Variants in GALNT13 observed in about 807,000 individuals in gnomAD.
GALNT13 encodes the protein UDP-GalNAc:polypeptide N-acetylgalactosaminyltransferase 13.
In GALNT13, 28 loss-of-function variants were observed where a neutral mutation model predicts 64.2. The observed-to-expected ratio is 0.44, with a 90% CI of 0.32 to 0.60. GALNT13 has a LOEUF of 0.60. Ranked by LOEUF, GALNT13 falls within the 20% of genes least tolerant of loss-of-function variation. GALNT13 has a pLI of 0.05. For missense variants in GALNT13, 577 were observed against 669.8 expected (o/e 0.86, Z 1.53); for synonymous variants, 214 against 224.6 (o/e 0.95, Z 0.42).
the GALNT13 span, among the ~76,000 whole-genome samples, chr2:153,410,878 G>T: frequency 0.029 from 4,368 of 151,282 alleles, 100 homozygotes; most frequent in African/African-American, 0.06. Context: ...TATATTTAGA[G>T]AGAGAGAGAG....
intron 2 of GALNT13, among the ~76,000 whole-genome samples, chr2:153,908,739 C>G (rs1688744614): frequency 6.6e-6 from 1 of 151,822 alleles, no homozygotes; most frequent in Non-Finnish European, 1.5e-5. Flanking sequence ...CTATTCTATT[C>G]CATTGGCCTA....
chr2:153,258,138 G>A, the GALNT13 span, among the ~76,000 whole-genome samples: 1 of 152,178 alleles, frequency 6.6e-6, no homozygotes, highest in Non-Finnish European at 1.5e-5. Flanking sequence ...TTTCATCAAA[G>A]CCAATTTGGA....
the GALNT13 span, among the ~76,000 whole-genome samples, chr2:153,788,289 C>T: frequency 2.4e-4 from 36 of 152,130 alleles, no homozygotes; most frequent in Non-Finnish European, 4.4e-4. Flanking sequence ...GGCCTATATT[C>T]AGTATTCTTA....
Position 154,212,251 on chromosome 2 carries a change from A to AT in GALNT13, c.312-29768dup, listed in dbSNP as rs112383743. Among the ~76,000 whole-genome samples, 69 of 146,870 alleles carry AT rather than the reference A, an allele frequency of 4.7e-4. 1 individual carries two copies. The highest frequency in any genetic ancestry group is 1.0e-3 in the East Asian group (5 of 5,024). On this transcript the variant is annotated intron_variant, in intron 4 of 12. Transcript: ENST00000392825. The stretch of plus-strand genomic sequence containing the variant: ...GCGTTTTGAAGAAATTCAATCAGGC[A>AT]TTTTTTTTTTTGAGACGGAGTCTTG...
intron 4 of GALNT13, among the ~76,000 whole-genome samples, chr2:154,229,583 T>G (rs1262831373): frequency 6.6e-6 from 1 of 151,916 alleles, no homozygotes; most frequent in Non-Finnish European, 1.5e-5. Flanking sequence ...ATATATAAAA[T>G]TTACTGGGAG....
intron 3 of GALNT13, among the ~76,000 whole-genome samples, chr2:154,098,729 T>A (rs980719957): frequency 2.0e-5 from 3 of 152,108 alleles, no homozygotes; most frequent in South Asian, 2.1e-4. Flanking sequence ...TTCATTTCCA[T>A]CCATGTTGCT....
chr2:154,456,356 T>C (rs1056060620), downstream of GALNT13, among the ~76,000 whole-genome samples: 3 of 152,144 alleles, frequency 2.0e-5, no homozygotes, highest in Admixed American at 6.6e-5. Context: ...TTAGATGATA[T>C]AATTGTTCTT....
intron 2 of GALNT13, among the ~76,000 whole-genome samples, chr2:153,914,794 C>A (rs1039757050): frequency 7.9e-5 from 12 of 151,812 alleles, no homozygotes; most frequent in African/African-American, 2.9e-4. Flanking sequence ...TGTTTTTTTT[C>A]CAACCCTTTC....
At chr2:153,709,967 T>G in the GALNT13 span, among the ~76,000 whole-genome samples, 9 of 152,034 alleles carry the variant, frequency 5.9e-5, no homozygotes, top group Non-Finnish European at 1.2e-4. Context: ...AATTAGTGAT[T>G]ACCTGAGGCT....
chr2:154,180,349 A>G (rs1397313224), intron 4 of GALNT13, among the ~76,000 whole-genome samples: 2 of 152,040 alleles, frequency 1.3e-5, no homozygotes, highest in East Asian at 3.9e-4. Flanking sequence ...TAGCTAGTAT[A>G]TTAAACATTT....
At chr2:153,813,743 G>A in the GALNT13 span, among the ~76,000 whole-genome samples, 2 of 152,120 alleles carry the variant, frequency 1.3e-5, no homozygotes, top group South Asian at 4.1e-4. Flanking sequence ...TAAGCAGCTA[G>A]CATTTCAGAA....
At chr2:153,472,524 C>T in the GALNT13 span, among the ~76,000 whole-genome samples, 1 of 152,056 alleles carries the variant, frequency 6.6e-6, no homozygotes, top group East Asian at 1.9e-4. Context: ...TACATGAGTG[C>T]TTGAGAAACA....
the GALNT13 span, among the ~76,000 whole-genome samples, chr2:153,836,470 C>T: frequency 6.6e-6 from 1 of 151,552 alleles, no homozygotes; most frequent in Non-Finnish European, 1.5e-5. Context: ...TCTCTTATTT[C>T]CTCCCCCATC....
chr2:154,223,361 G>T (rs1007913263), intron 4 of GALNT13, among the ~76,000 whole-genome samples: 2 of 151,362 alleles, frequency 1.3e-5, no homozygotes, highest in Non-Finnish European at 2.9e-5. Context: ...GAGTGATTAA[G>T]TTCACTATTA....
At chr2:153,225,630 A>G in the GALNT13 span, among the ~76,000 whole-genome samples, 2 of 152,236 alleles carry the variant, frequency 1.3e-5, no homozygotes, top group African/African-American at 4.8e-5. Flanking sequence ...TAAATACAGC[A>G]AGGTCACAGG....
the GALNT13 span, among the ~76,000 whole-genome samples, chr2:153,630,906 A>G: frequency 1.4e-5 from 2 of 147,256 alleles, no homozygotes; most frequent in African/African-American, 5.0e-5. Flanking sequence ...GGTGTGCTGC[A>G]CCCATTAAAT....
At chr2:153,701,556 C>T in the GALNT13 span, among the ~76,000 whole-genome samples, 1 of 152,156 alleles carries the variant, frequency 6.6e-6, no homozygotes, top group South Asian at 2.1e-4. Flanking sequence ...AGTGAACAGG[C>T]AACCTACTGA....
At chr2:153,215,950 C>T in the GALNT13 span, among the ~76,000 whole-genome samples, 17 of 151,898 alleles carry the variant, frequency 1.1e-4, no homozygotes, top group African/African-American at 4.1e-4. Context: ...GTTCCATCAA[C>T]TCCCCATATT....
chr2:153,600,920 A>G, the GALNT13 span, among the ~76,000 whole-genome samples: 1 of 151,942 alleles, frequency 6.6e-6, no homozygotes, highest in Non-Finnish European at 1.5e-5. Context: ...CCCTAATTCA[A>G]TCATTGTGGC....
Sources: gnomAD v4.1 joint callset for allele counts (sites outside exome capture counted in the v4.1 genomes callset) on GRCh38, gnomAD v4.1.1 for gene constraint, MANE v1.5 for transcripts, NCBI Gene and HGNC (gene_info 2026-07-23, HGNC 2026-07-21) for gene names.